Variants in SLC24A2 observed in about 807,000 individuals in gnomAD.
The protein encoded by SLC24A2 is solute carrier family 24 member 2.
A neutral mutation model predicts 62.0 loss-of-function variants in SLC24A2; 36 were observed. That is an observed-to-expected ratio of 0.58 (90% confidence interval 0.44 to 0.77). The LOEUF (loss-of-function observed/expected upper bound fraction) is 0.77. Among genes scored for constraint, SLC24A2 ranks in the 30% least tolerant of loss-of-function variants. The pLI, the probability that SLC24A2 is intolerant of heterozygous loss-of-function variation, is 0.00. For synonymous variants in SLC24A2, 358 were observed against 294.0 expected (o/e 1.22, Z -2.23); for missense variants, 846 against 817.9 (o/e 1.03, Z -0.42).
the SLC24A2 span, among the ~76,000 whole-genome samples, chr9:20,071,587 A>G: frequency 6.6e-6 from 1 of 152,180 alleles, no homozygotes; most frequent in Non-Finnish European, 1.5e-5. Flanking sequence ...GTTACATTAT[A>G]TGGTGTTTCA....
chr9:19,984,565 G>A, the SLC24A2 span, among the ~76,000 whole-genome samples: 1 of 152,108 alleles, frequency 6.6e-6, no homozygotes, highest in African/African-American at 2.4e-5. Context: ...AATTAACCAG[G>A]TGTGTTGGTA....
At chr9:19,639,753 T>C (rs1274132347) in intron 2 of SLC24A2, among the ~76,000 whole-genome samples, 1 of 152,248 alleles carries the variant, frequency 6.6e-6, no homozygotes, top group African/African-American at 2.4e-5. Context: ...TCTCCTCTAG[T>C]ATAAAAGCTT....
chr9:19,583,195 G>C (rs945737716), intron 5 of SLC24A2, among the ~76,000 whole-genome samples: 4 of 152,132 alleles, frequency 2.6e-5, no homozygotes, highest in African/African-American at 9.7e-5. Context: ...AGCCACGCTG[G>C]TCTCTTTGCT....
chr9:20,185,722 T>C, the SLC24A2 span, among the ~76,000 whole-genome samples: 1 of 150,614 alleles, frequency 6.6e-6, no homozygotes, highest in Non-Finnish European at 1.5e-5. Flanking sequence ...CAACCTCAGA[T>C]CTACTGAAGG....
the SLC24A2 span, among the ~76,000 whole-genome samples, chr9:19,800,506 TGTTA>T: frequency 2.0e-5 from 3 of 152,236 alleles, no homozygotes; most frequent in African/African-American, 7.2e-5. Flanking sequence ...TCTTTCTCAC[TGTTA>T]GTTACAAATA....
the SLC24A2 span, among the ~76,000 whole-genome samples, chr9:20,117,094 C>T: frequency 2.0e-5 from 3 of 152,114 alleles, no homozygotes; most frequent in Admixed American, 1.3e-4. Context: ...TTGGCAGTGA[C>T]TGAGAGCCCC....
chr9:19,517,484 GT>G (rs1832987351), intron 10 of SLC24A2, among the ~76,000 whole-genome samples: 1 of 152,216 alleles, frequency 6.6e-6, no homozygotes, highest in African/African-American at 2.4e-5. Context: ...TCTGCCTCCT[GT>G]GCTGGAGAGA....
chr9:19,655,280 G>C (rs1667357392), intron 2 of SLC24A2, among the ~76,000 whole-genome samples: 1 of 152,172 alleles, frequency 6.6e-6, no homozygotes, highest in Non-Finnish European at 1.5e-5. Flanking sequence ...GAGGTTTTTG[G>C]TGGCATTTCA....
chr9:19,662,729 C>T (rs1424024149), intron 2 of SLC24A2, among the ~76,000 whole-genome samples: 3 of 152,118 alleles, frequency 2.0e-5, no homozygotes, highest in Non-Finnish European at 2.9e-5. Flanking sequence ...TGAAAAGTAA[C>T]ACCTGTTTTC....
the SLC24A2 span, among the ~76,000 whole-genome samples, chr9:20,163,535 C>A: frequency 1.3e-5 from 2 of 151,866 alleles, no homozygotes; most frequent in East Asian, 3.9e-4. Flanking sequence ...AGAATCAATA[C>A]CATGAAAATG....
chr9:19,550,402 G>T (rs989349674), intron 7 of SLC24A2, 134 bp from the exon 8 acceptor site: 6 of 818,596 alleles, frequency 7.3e-6, no homozygotes, highest in Middle Eastern at 2.5e-4. Flanking sequence ...AGCTTCATAT[G>T]TGTGATTTTG....
intron 10 of SLC24A2, 53 bp downstream of exon 10, chr9:19,520,841 A>T: frequency 7.7e-6 from 12 of 1,559,046 alleles, no homozygotes; most frequent in Non-Finnish European, 1.1e-5. Flanking sequence ...TTCTAAGAAG[A>T]CAAAGACACT....
chr9:19,694,415 G>A (rs1019360470), intron 2 of SLC24A2, among the ~76,000 whole-genome samples: 8 of 152,084 alleles, frequency 5.3e-5, no homozygotes, highest in Non-Finnish European at 1.2e-4. Flanking sequence ...AACCGGAGAA[G>A]AGGAAAACAA....
intron 2 of SLC24A2, among the ~76,000 whole-genome samples, chr9:19,675,668 C>A (rs565328344): frequency 6.6e-6 from 1 of 152,122 alleles, no homozygotes; most frequent in South Asian, 2.1e-4. Context: ...TCACCCAGCT[C>A]CTACACAATC....
the SLC24A2 span, among the ~76,000 whole-genome samples, chr9:20,166,986 G>T: frequency 1.3e-5 from 2 of 151,800 alleles, no homozygotes; most frequent in African/African-American, 4.8e-5. Context: ...GACTACAGGC[G>T]CACACCACCA....
At chr9:19,961,408 G>T in the SLC24A2 span, among the ~76,000 whole-genome samples, 7 of 151,994 alleles carry the variant, frequency 4.6e-5, no homozygotes, top group Non-Finnish European at 1.0e-4. Context: ...TTTGGCATGG[G>T]GTTAAAAGCC....
the SLC24A2 span, among the ~76,000 whole-genome samples, chr9:20,057,776 G>A: frequency 6.6e-6 from 1 of 152,116 alleles, no homozygotes; most frequent in Non-Finnish European, 1.5e-5. Flanking sequence ...GCACATTCTA[G>A]TAACTTAAAA....
chr9:19,520,985 G>A lies in SLC24A2; in HGVS notation c.1645C>T (p.Leu549Phe), dbSNP rs199869310. 3.1e-6 allele frequency: 5 copies of A among 1,614,078 alleles called. No individual in the cohort carries two copies. The East Asian group carries it at 6.7e-5, about 22-fold the overall frequency. ...ILAAGTSIPD[L>F]ITSVIVARKG... is the part of the protein sequence containing the mutation. The stretch of plus-strand genomic sequence containing the variant: ...CGGGCCACTATGACACTGGTGATAA[G>A]ATCAGGGATGGAGGTCCCAGCAGCC... Residue 549 changes from leucine (L) to phenylalanine (F), a missense_variant, in exon 10 of 11, where the codon CTT (leucine) becomes TTT (phenylalanine). Leu to Phe is a conservative substitution (Grantham distance 22). Transcript: ENST00000341998.
chr9:20,278,234 TA>T, the SLC24A2 span, among the ~76,000 whole-genome samples: 1 of 152,084 alleles, frequency 6.6e-6, no homozygotes, highest in Non-Finnish European at 1.5e-5. Flanking sequence ...TAAAGTATAA[TA>T]AAAAAATTAA....
Sources: allele counts gnomAD v4.1 joint callset (sites outside exome capture counted in the v4.1 genomes callset), GRCh38; gene constraint gnomAD v4.1.1; transcripts MANE v1.5; gene names NCBI Gene and HGNC (gene_info 2026-07-23, HGNC 2026-07-21).